HPSE2: variants seen among roughly 807,000 people sequenced by gnomAD.
HPSE2 encodes the protein heparanase 2 (inactive).
In HPSE2, 38 loss-of-function variants were observed where a neutral mutation model predicts 60.5. The ratio of observed to expected loss-of-function variants is 0.63; its 90% confidence interval spans 0.48 to 0.82. The LOEUF (loss-of-function observed/expected upper bound fraction) is 0.82, where lower values mean the gene tolerates loss of function less well. Among genes scored for constraint, HPSE2 ranks in the 40% least tolerant of loss-of-function variants. HPSE2 has a pLI of 0.00. For missense variants in HPSE2, 713 were observed against 740.4 expected, an observed-to-expected ratio of 0.96 and a Z score of 0.43; for synonymous variants, 295 against 293.2, an observed-to-expected ratio of 1.01 and a Z score of -0.06.
chr10:98,711,819 C>T (rs777484509), intron 5 of HPSE2, among the ~76,000 whole-genome samples: 4 of 152,114 alleles, frequency 2.6e-5, no homozygotes, highest in Non-Finnish European at 4.4e-5. Flanking sequence ...TAGTGGTTCT[C>T]ATACATTAGT....
intron 4 of HPSE2, among the ~76,000 whole-genome samples, chr10:98,728,824 A>C (rs548652822): frequency 1.1e-4 from 16 of 152,174 alleles, no homozygotes; most frequent in East Asian, 3.9e-4. Flanking sequence ...CCTAGGCAAC[A>C]CAGTGAAACC....
At chr10:99,131,888 G>A (rs1398596082) in intron 3 of HPSE2, among the ~76,000 whole-genome samples, 1 of 151,912 alleles carries the variant, frequency 6.6e-6, no homozygotes, top group Non-Finnish European at 1.5e-5. Flanking sequence ...GAGGCAGGAG[G>A]ATCACCTGAG....
At chr10:99,241,847 C>G in the HPSE2 span, among the ~76,000 whole-genome samples, 1 of 152,120 alleles carries the variant, frequency 6.6e-6, no homozygotes. Flanking sequence ...CAAATACATC[C>G]CCTTAACTAA....
At chr10:98,589,438 T>A (rs1202599073) in intron 9 of HPSE2, among the ~76,000 whole-genome samples, 1 of 152,244 alleles carries the variant, frequency 6.6e-6, no homozygotes, top group Non-Finnish European at 1.5e-5. Flanking sequence ...GTGGTCAAGA[T>A]GATGAGCCCT....
chr10:98,523,635 C>T (rs7902943), intron 9 of HPSE2, among the ~76,000 whole-genome samples: 3,248 of 152,260 alleles, frequency 0.021, 125 homozygotes, highest in African/African-American at 0.073. Flanking sequence ...AACTCTCATA[C>T]AAAATAAGCT....
intron 9 of HPSE2, among the ~76,000 whole-genome samples, chr10:98,506,256 G>T (rs1395946799): frequency 1.3e-5 from 2 of 152,072 alleles, no homozygotes; most frequent in Non-Finnish European, 2.9e-5. Context: ...CTTTTATAAT[G>T]AAAATAAATC....
intron 3 of HPSE2, among the ~76,000 whole-genome samples, chr10:99,022,154 G>A (rs1419388509): frequency 6.6e-6 from 1 of 150,680 alleles, no homozygotes; most frequent in Non-Finnish European, 1.5e-5. Context: ...ACCAGCAGTG[G>A]CAGCTTGGTG....
the HPSE2 span, among the ~76,000 whole-genome samples, chr10:99,268,346 T>C: frequency 6.6e-6 from 1 of 152,088 alleles, no homozygotes; most frequent in Non-Finnish European, 1.5e-5. Flanking sequence ...CAGAACCTCC[T>C]TAAAGCATAA....
chr10:98,834,621 A>C (rs979001162), intron 3 of HPSE2, among the ~76,000 whole-genome samples: 1 of 152,140 alleles, frequency 6.6e-6, no homozygotes, highest in African/African-American at 2.4e-5. Flanking sequence ...TCTCAAAATC[A>C]CATGTAGAGT....
At chr10:98,757,735 GAATC>G (rs1367316945) in intron 3 of HPSE2, among the ~76,000 whole-genome samples, 3 of 151,746 alleles carry the variant, frequency 2.0e-5, no homozygotes, top group Non-Finnish European at 4.4e-5. Context: ...TGGATAGTAA[GAATC>G]AATATTGTTA....
intron 3 of HPSE2, among the ~76,000 whole-genome samples, chr10:99,129,800 A>G (rs1268520587): frequency 8.2e-6 from 1 of 122,168 alleles, no homozygotes; most frequent in Non-Finnish European, 1.9e-5. Context: ...AATTACATGA[A>G]ATTGAAACCA....
chr10:98,473,783 C>T (rs184197078), intron 11 of HPSE2, among the ~76,000 whole-genome samples: 1 of 152,164 alleles, frequency 6.6e-6, no homozygotes, highest in East Asian at 1.9e-4. Context: ...AAGAAAACAC[C>T]TTTGGCCTAA....
chr10:98,490,184 A>C lies in HPSE2; in HGVS notation c.1333T>G (p.Ser445Ala), dbSNP rs778604871. Residue 445 changes from serine (S) to alanine (A), a missense_variant, in exon 10 of 12, where the codon TCT becomes GCT. Transcript: ENST00000370552. ...NFNPLPDYWL[S>A]LLYKRLIGPK... The stretch of plus-strand genomic sequence containing the variant: ...CCGATCAGGCGCTTGTAGAGGAGAG[A>C]GAGCCAGTAGTCCTGAGGAGAATAG... The C allele has an allele frequency of 6.2e-7, 1 of 1,614,138 alleles. No homozygotes were observed. Among genetic ancestry groups the C allele is most frequent in the South Asian group, 1.1e-5 (1 of 91,076 alleles).
chr10:98,989,470 G>A (rs1026814108), intron 3 of HPSE2, among the ~76,000 whole-genome samples: 1 of 147,848 alleles, frequency 6.8e-6, no homozygotes, highest in African/African-American at 2.5e-5. Context: ...CACAGGAAGG[G>A]GAACATCAAA....
intron 9 of HPSE2, among the ~76,000 whole-genome samples, chr10:98,553,855 G>A (rs1195529792): frequency 6.6e-6 from 1 of 152,150 alleles, no homozygotes; most frequent in Non-Finnish European, 1.5e-5. Context: ...GTTCTCAGTG[G>A]AATTTCTCAT....
At chr10:99,001,685 C>A (rs1956780058) in intron 3 of HPSE2, among the ~76,000 whole-genome samples, 1 of 152,020 alleles carries the variant, frequency 6.6e-6, no homozygotes, top group African/African-American at 2.4e-5. Flanking sequence ...GCCACACAAA[C>A]CCATGAATGT....
chr10:99,312,155 T>C, the HPSE2 span, among the ~76,000 whole-genome samples: 1 of 152,188 alleles, frequency 6.6e-6, no homozygotes, highest in African/African-American at 2.4e-5. Context: ...GATGAAGCAG[T>C]AAGTGCTGGA....
intron 3 of HPSE2, among the ~76,000 whole-genome samples, chr10:98,946,542 G>A (rs1955190784): frequency 1.3e-5 from 2 of 150,668 alleles, no homozygotes; most frequent in South Asian, 4.2e-4. Flanking sequence ...TGTAAAATGA[G>A]AACAGCAGAG....
intron 3 of HPSE2, among the ~76,000 whole-genome samples, chr10:98,887,601 A>C (rs1953202476): frequency 6.6e-6 from 1 of 152,116 alleles, no homozygotes; most frequent in African/African-American, 2.4e-5. Flanking sequence ...AAATACTCTC[A>C]GGGATGTGAT....
Sources: gnomAD v4.1 joint callset for allele counts (sites outside exome capture counted in the v4.1 genomes callset) on GRCh38, gnomAD v4.1.1 for gene constraint, MANE v1.5 for transcripts, NCBI Gene and HGNC (gene_info 2026-07-23, HGNC 2026-07-21) for gene names.